Variants in MACROD2 observed in about 807,000 individuals in gnomAD.
The protein encoded by MACROD2 is mono-ADP ribosylhydrolase 2.
Under a neutral mutation model 70.4 loss-of-function variants are expected in MACROD2, and 36 were observed. That is an observed-to-expected ratio of 0.51 (90% CI 0.39 to 0.68). The LOEUF is 0.68. Ranked by LOEUF, MACROD2 falls within the 30% of genes least tolerant of loss-of-function variation. The pLI, the probability that MACROD2 is intolerant of heterozygous loss-of-function variation, is 0.00. For missense variants in MACROD2, 496 were observed against 538.4 expected (o/e 0.92, Z 0.78); for synonymous variants, 172 against 178.8 (o/e 0.96, Z 0.30).
chr20:15,251,444 C>T (rs528476305), intron 6 of MACROD2, among the ~76,000 whole-genome samples: 2 of 152,240 alleles, frequency 1.3e-5, no homozygotes, highest in African/African-American at 4.8e-5. Context: ...CACTGCTGAG[C>T]ATTTCAGGAT....
intron 10 of MACROD2, among the ~76,000 whole-genome samples, chr20:15,904,618 C>T (rs926454932): frequency 7.9e-5 from 12 of 151,890 alleles, no homozygotes; most frequent in East Asian, 3.9e-4. Flanking sequence ...AGAGGCCAGG[C>T]GCGGTGGCTC....
chr20:14,718,068 G>C (rs1001762631), intron 5 of MACROD2, among the ~76,000 whole-genome samples: 7 of 151,964 alleles, frequency 4.6e-5, no homozygotes, highest in African/African-American at 1.7e-4. Context: ...CCCAAGGTGG[G>C]CAGATCATGA....
chr20:14,211,810 A>C (rs896289544), intron 3 of MACROD2, among the ~76,000 whole-genome samples: 5 of 152,298 alleles, frequency 3.3e-5, no homozygotes, highest in African/African-American at 7.2e-5. Flanking sequence ...TTCAGCTTTC[A>C]GTAACAGCTC....
intron 12 of MACROD2, among the ~76,000 whole-genome samples, chr20:15,938,353 G>T (rs567047000): frequency 6.6e-6 from 1 of 152,040 alleles, no homozygotes; most frequent in African/African-American, 2.4e-5. Context: ...CAAGTCTGTC[G>T]GCACCATCTT....
intron 6 of MACROD2, among the ~76,000 whole-genome samples, chr20:15,265,809 C>T (rs1434881979): frequency 6.6e-6 from 1 of 152,132 alleles, no homozygotes; most frequent in African/African-American, 2.4e-5. Context: ...AAAAAGTTAC[C>T]AGCTATCATT....
intron 8 of MACROD2, among the ~76,000 whole-genome samples, chr20:15,571,969 G>GT (rs1290902683): frequency 6.6e-6 from 1 of 152,008 alleles, no homozygotes; most frequent in Non-Finnish European, 1.5e-5. Flanking sequence ...ATTTTGACCA[G>GT]TTTTTTGTTT....
At chr20:14,161,941 T>C (rs1405020459) in intron 3 of MACROD2, among the ~76,000 whole-genome samples, 1 of 152,228 alleles carries the variant, frequency 6.6e-6, no homozygotes, top group Non-Finnish European at 1.5e-5. Context: ...TGGATACTGC[T>C]GCAATAAACA....
intron 3 of MACROD2, among the ~76,000 whole-genome samples, chr20:14,486,793 A>G (rs1660966015): frequency 1.3e-5 from 2 of 152,138 alleles, no homozygotes; most frequent in Admixed American, 6.5e-5. Flanking sequence ...TGCTGGGATT[A>G]TAGGTATGAG....
At chr20:15,102,457 A>G (rs77142626) in intron 5 of MACROD2, among the ~76,000 whole-genome samples, 90 of 152,106 alleles carry the variant, frequency 5.9e-4, no homozygotes, top group Admixed American at 2.1e-3. Flanking sequence ...TCTGGTATAT[A>G]TAGTAGTAGT....
At chr20:14,480,712 G>T (rs148351782) in intron 3 of MACROD2, among the ~76,000 whole-genome samples, 142 of 152,150 alleles carry the variant, frequency 9.3e-4, no homozygotes, top group African/African-American at 3.3e-3. Context: ...AAAGTAATTG[G>T]TATTTTTTGA....
intron 17 of MACROD2, among the ~76,000 whole-genome samples, chr20:16,049,271 G>A (rs2067425542): frequency 1.3e-5 from 2 of 151,920 alleles, no homozygotes; most frequent in African/African-American, 4.8e-5. Flanking sequence ...AGATCTGTGT[G>A]TTTTCCTGTA....
At chr20:14,935,277 A>G (rs891932622) in intron 5 of MACROD2, 4 of 152,064 alleles carry the variant, frequency 2.6e-5, no homozygotes, top group Non-Finnish European at 5.9e-5. Context: ...TTTTTGGCAC[A>G]TTGCTCAAGC....
chr20:15,678,004 G>A (rs1369398697), intron 8 of MACROD2, among the ~76,000 whole-genome samples: 1 of 151,986 alleles, frequency 6.6e-6, no homozygotes. Flanking sequence ...GGTGGAGGTT[G>A]CAGTGAGCCA....
chr20:15,487,049 T>C (rs2047171985), intron 7 of MACROD2, among the ~76,000 whole-genome samples: 1 of 152,164 alleles, frequency 6.6e-6, no homozygotes, highest in African/African-American at 2.4e-5. Context: ...GAAAGGGCAG[T>C]AGTTATCTCG....
intron 5 of MACROD2, among the ~76,000 whole-genome samples, chr20:14,943,094 C>T (rs1374614436): frequency 6.6e-6 from 1 of 152,168 alleles, no homozygotes; most frequent in African/African-American, 2.4e-5. Context: ...GCATGCTAAT[C>T]ACTGATATTC....
At chr20:14,534,110 A>G (rs890187281) in intron 4 of MACROD2, among the ~76,000 whole-genome samples, 3 of 152,226 alleles carry the variant, frequency 2.0e-5, no homozygotes, top group Admixed American at 2.0e-4. Flanking sequence ...AACCTAAATT[A>G]TTAATTACAC....
At chr20:14,993,580 T>G (rs2074924851) in intron 5 of MACROD2, among the ~76,000 whole-genome samples, 1 of 152,162 alleles carries the variant, frequency 6.6e-6, no homozygotes, top group South Asian at 2.1e-4. Context: ...TTACTCTGCC[T>G]AAACATCACA....
At chr20:15,045,931 C>T (rs995957285) in intron 5 of MACROD2, among the ~76,000 whole-genome samples, 17 of 151,842 alleles carry the variant, frequency 1.1e-4, no homozygotes, top group African/African-American at 3.4e-4. Flanking sequence ...CGCCTCTCCA[C>T]GTCTGACCTG....
At chr20:14,154,389 C>CTTT (rs1183052263) in intron 3 of MACROD2, among the ~76,000 whole-genome samples, 1 of 136,436 alleles carries the variant, frequency 7.3e-6, no homozygotes, top group East Asian at 2.1e-4. Context: ...CTTTTCTTTT[C>CTTT]TTTTTTTTTT....
Sources: allele counts gnomAD v4.1 joint callset (sites outside exome capture counted in the v4.1 genomes callset), GRCh38; gene constraint gnomAD v4.1.1; transcripts MANE v1.5; gene names NCBI Gene and HGNC (gene_info 2026-07-23, HGNC 2026-07-21).